The following SEMA5B variants were observed in gnomAD, a reference collection of about 807,000 sequenced individuals.
The protein encoded by SEMA5B is semaphorin-5B.
In SEMA5B, 66 loss-of-function variants were observed where a neutral mutation model predicts 135.0. That is an observed-to-expected ratio of 0.49 (90% confidence interval 0.40 to 0.60). The LOEUF is 0.60. Among genes scored for constraint, SEMA5B ranks in the 20% least tolerant of loss-of-function variants. The pLI is 0.00. For missense variants in SEMA5B, 1,501 were observed against 1,566.3 expected, an observed-to-expected ratio of 0.96 and a Z score of 0.70; for synonymous variants, 690 against 639.5, an observed-to-expected ratio of 1.08 and a Z score of -1.19.
chr3:122,982,062 G>T (rs1208023665), intron 1 of SEMA5B, among the ~76,000 whole-genome samples: 1 of 152,198 alleles, frequency 6.6e-6, no homozygotes. Flanking sequence ...GAGGTTGGGA[G>T]CCATGCAATG....
At chr3:122,954,613 T>C (rs1403217912) in intron 2 of SEMA5B, among the ~76,000 whole-genome samples, 1 of 152,208 alleles carries the variant, frequency 6.6e-6, no homozygotes, top group East Asian at 1.9e-4. Context: ...TACAGGGACG[T>C]GCTCTAAGAG....
chr3:122,911,604 G>T, intron 20 of SEMA5B, 69 bp from the exon 21 acceptor site: 1 of 1,496,618 alleles, frequency 6.7e-7, no homozygotes, highest in Non-Finnish European at 9.1e-7. Context: ...CAGGGTAGGC[G>T]TAAGCCTGGG....
intron 1 of SEMA5B, among the ~76,000 whole-genome samples, chr3:123,023,735 A>G (rs1339367492): frequency 6.6e-6 from 1 of 152,208 alleles, no homozygotes; most frequent in Non-Finnish European, 1.5e-5. Flanking sequence ...ACCACAGTAA[A>G]TCACCACAGA....
Position 122,913,936 on chromosome 3 carries a change from T to G in SEMA5B, c.2054A>C (p.Gln685Pro). The change falls in exon 15 of 23, where the codon CAG (glutamine) becomes CCG (proline). Residue 685 changes from glutamine (Q) to proline (P), a missense_variant. Gln to Pro is a moderately conservative substitution (Grantham distance 76, BLOSUM62 -1). Coordinates refer to ENST00000357599, the MANE Select transcript of SEMA5B (RefSeq NM_001031702.4). The stretch of plus-strand genomic sequence containing the variant: ...GTTGCTGCAACTTCGCTGGCGGACC[T>G]GGAAGCCGATGCCACAGGACGTGCT... The part of the protein sequence containing the change: ...LCSTSCGIGF[Q>P]VRQRSCSNPA... The G allele has an allele frequency of 1.2e-6, 2 of 1,612,286 alleles. No homozygotes were observed. The highest frequency in any genetic ancestry group is 1.7e-6 in the Non-Finnish European group (2 of 1,179,866).
At chr3:123,024,304 C>T (rs1310792022) in intron 1 of SEMA5B, among the ~76,000 whole-genome samples, 1 of 152,198 alleles carries the variant, frequency 6.6e-6, no homozygotes, top group Non-Finnish European at 1.5e-5. Flanking sequence ...TTGATGGGTT[C>T]CCATCCCTCT....
Position 122,948,634 on chromosome 3 carries a change from A to G in SEMA5B, c.200T>C (p.Val67Ala), listed in dbSNP as rs1407131381. The G allele has an allele frequency of 3.1e-6, 5 of 1,613,810 alleles. No individual in the cohort carries two copies. Among genetic ancestry groups the G allele is most frequent in the Non-Finnish European group, 4.2e-6 (5 of 1,179,940 alleles). The change falls in exon 3 of 23, where the codon GTC (valine) becomes GCC (alanine). Residue 67 changes from valine to alanine, a missense_variant. Physicochemically the swap from Val to Ala is moderately conservative, Grantham distance 64. Around this residue, in one of 2 missense-constraint regions of SEMA5B, gnomAD observed 574 missense variants for 684.7 expected, o/e 0.84. Transcript: ENST00000357599. ...PIMVLAGPLA[V>A]SLLLPSLTLL... Reference sequence around the variant, plus strand: ...TGTGAGGCTGGGCAGCAACAGCGAGACAGCCAGGGGGCCTGCAAGCACCAT... The same window carrying G: ...TGTGAGGCTGGGCAGCAACAGCGAGGCAGCCAGGGGGCCTGCAAGCACCAT...
chr3:122,920,537 C>A (rs1242266741), intron 12 of SEMA5B, among the ~76,000 whole-genome samples: 1 of 152,202 alleles, frequency 6.6e-6, no homozygotes, highest in Admixed American at 6.5e-5. Context: ...AAGATACCAG[C>A]TACCTCTTGT....
intron 1 of SEMA5B, among the ~76,000 whole-genome samples, chr3:122,992,248 C>T (rs1224161240): frequency 6.6e-6 from 1 of 152,188 alleles, no homozygotes; most frequent in Non-Finnish European, 1.5e-5. Flanking sequence ...CTCTGTGAAG[C>T]CCAGCAGCCC....
rs374134098 is a variant in SEMA5B at position 122,929,991 on chromosome 3, T to TA, written c.475-934_475-933insT. On this transcript the variant is annotated intron_variant, in intron 5 of 22. Coordinates refer to ENST00000357599, the MANE Select transcript of SEMA5B (RefSeq NM_001031702.4). ...CAGCCCTGGCGTGGCTCATTATATA[T>TA]TTCTGGGTCACGTGTATAAACATGA... Among the ~76,000 whole-genome samples the TA allele has an allele frequency of 3.7e-3, 557 of 152,340 alleles. 3 individuals are homozygous for TA. Among genetic ancestry groups the TA allele is most frequent in the African/African-American group, 0.011 (454 of 41,580 alleles).
In SEMA5B at chr3:122,912,937, C is replaced by T. The variant is rs1400782094; in HGVS notation, c.2631G>A (p.Lys877=). ...RDCELGFRVR[K]RTCTNPEPRN... ...GGGGCTCCGGGTTAGTGCACGTTCT[C>T]TTGCGGACGCGGAAGCCCAGCTCGC... is the stretch of plus-strand genomic sequence containing the variant. The change falls in exon 18 of 23, where the codon AAG becomes AAA. Residue 877 remains lysine, a synonymous_variant. Coordinates refer to ENST00000357599, the MANE Select transcript of SEMA5B (RefSeq NM_001031702.4). The T allele has an allele frequency of 6.2e-7, 1 of 1,612,926 alleles. No homozygotes were observed. Among genetic ancestry groups the T allele is most frequent in the Non-Finnish European group, 8.5e-7 (1 of 1,179,552 alleles).
At chr3:122,948,779 G>A in intron 2 of SEMA5B, 70 bp from the exon 3 acceptor site, 6 of 1,229,704 alleles carry the variant, frequency 4.9e-6, no homozygotes, top group Admixed American at 4.6e-5. Flanking sequence ...ATTTCCTTGT[G>A]GTTACAGTGC....
In SEMA5B at chr3:122,910,996, G is replaced by A. The variant is rs1270408722; in HGVS notation, c.3141C>T (p.Gly1047=). The A allele has an allele frequency of 2.5e-6, 4 of 1,613,880 alleles. No individual in the cohort carries two copies. Among genetic ancestry groups the A allele is most frequent in the Non-Finnish European group, 3.4e-6 (4 of 1,179,906 alleles). ...ACACTGCTAGGGTCAGGAGCCCAGA[G>A]CCCAAGAAGCAGGAGATGCCCGTGG... ...LVATGISCFL[G]SGLLTLAVYL... Residue 1047 remains glycine, a synonymous_variant, in exon 22 of 23, where the codon GGC becomes GGT. Transcript: ENST00000357599.
At chr3:122,989,401 C>T (rs1941802746) in intron 1 of SEMA5B, among the ~76,000 whole-genome samples, 1 of 152,194 alleles carries the variant, frequency 6.6e-6, no homozygotes, top group South Asian at 2.1e-4. Flanking sequence ...GAGGCAGTGT[C>T]CTGGCTCTGA....
intron 1 of SEMA5B, among the ~76,000 whole-genome samples, chr3:123,014,954 C>A (rs1227657947): frequency 1.3e-5 from 2 of 152,170 alleles, no homozygotes; most frequent in Non-Finnish European, 2.9e-5. Context: ...CCCAATATGA[C>A]TGGTGTCCTT....
chr3:122,955,888 A>G lies in SEMA5B; in HGVS notation c.124+5252T>C, dbSNP rs144569421. 2.9e-3 allele frequency among the ~76,000 whole-genome samples: 444 copies of G among 152,334 alleles called. 4 individuals are homozygous for G. The highest frequency in any genetic ancestry group is 0.01 in the African/African-American group (430 of 41,584). ...TAATACTTCACTGAGCATTTACTGAACACCTACTATGTGCTGGGCCCTGTA... is the reference window on the plus strand; with the variant it reads ...TAATACTTCACTGAGCATTTACTGAGCACCTACTATGTGCTGGGCCCTGTA... On this transcript the variant is annotated intron_variant, in intron 2 of 22. Coordinates refer to ENST00000357599, the MANE Select transcript of SEMA5B (RefSeq NM_001031702.4).
intron 2 of SEMA5B, 117 bp downstream of exon 2, chr3:122,961,023 G>A: frequency 1.9e-6 from 2 of 1,065,042 alleles, no homozygotes; most frequent in Non-Finnish European, 2.7e-6. Context: ...CTCAAATACA[G>A]TGGACTGAGG....
chr3:122,966,788 G>A (rs1407162485), intron 1 of SEMA5B, among the ~76,000 whole-genome samples: 1 of 150,322 alleles, frequency 6.7e-6, no homozygotes, highest in Non-Finnish European at 1.5e-5. Flanking sequence ...TCGATCTCCT[G>A]ACCTCGTGAT....
At chr3:123,023,327 C>CACACAA (rs2107839339) in intron 1 of SEMA5B, among the ~76,000 whole-genome samples, 1 of 132,752 alleles carries the variant, frequency 7.5e-6, no homozygotes, top group South Asian at 2.5e-4. Context: ...TTCCAGCACA[C>CACACAA]ACACACACAC....
At chr3:122,988,171 T>C (rs768061545) in intron 1 of SEMA5B, among the ~76,000 whole-genome samples, 7 of 152,184 alleles carry the variant, frequency 4.6e-5, no homozygotes, top group Non-Finnish European at 1.0e-4. Flanking sequence ...GTGATGCTGC[T>C]GCTGCTGGTG....
Sources: allele counts gnomAD v4.1 joint callset (sites outside exome capture counted in the v4.1 genomes callset), GRCh38; gene constraint gnomAD v4.1.1; regional missense constraint gnomAD v4.1.1; transcripts MANE v1.5; gene names NCBI Gene and HGNC (gene_info 2026-07-23, HGNC 2026-07-21).